The following NIM1K variants were observed in gnomAD, a reference collection of about 807,000 sequenced individuals.
The protein encoded by NIM1K is NIM1 serine/threonine protein kinase.
In NIM1K, 35 loss-of-function variants were observed where a neutral mutation model predicts 37.1. The ratio of observed to expected loss-of-function variants is 0.94; its 90% CI spans 0.72 to 1.25. The LOEUF is 1.25. Ranked by LOEUF, NIM1K falls within the 50% of genes most tolerant of loss-of-function variation. The pLI is 0.00. For synonymous variants in NIM1K, 234 were observed against 206.6 expected (o/e 1.13, Z -1.14); for missense variants, 564 against 548.0 (o/e 1.03, Z -0.29).
chr5:43,270,860 A>G (rs1479576856), intron 2 of NIM1K, among the ~76,000 whole-genome samples: 1 of 152,228 alleles, frequency 6.6e-6, no homozygotes, highest in Non-Finnish European at 1.5e-5. Flanking sequence ...GAATGTCACC[A>G]GCCTCCCAGT....
intron 1 of NIM1K, among the ~76,000 whole-genome samples, 172 bp downstream of exon 1, chr5:43,192,583 G>A (rs1331234066): frequency 1.3e-5 from 2 of 152,232 alleles, no homozygotes; most frequent in Non-Finnish European, 2.9e-5. Context: ...AGAAGGTTAG[G>A]CGCTTTCTGG....
At chr5:43,260,067 T>C (rs1376118509) in intron 2 of NIM1K, among the ~76,000 whole-genome samples, 1 of 152,192 alleles carries the variant, frequency 6.6e-6, no homozygotes, top group Non-Finnish European at 1.5e-5. Context: ...TTTGTATGCT[T>C]TGTTGAAGAT....
At chr5:43,230,284 T>C (rs1217499476) in intron 1 of NIM1K, among the ~76,000 whole-genome samples, 1 of 152,038 alleles carries the variant, frequency 6.6e-6, no homozygotes, top group African/African-American at 2.4e-5. Flanking sequence ...TCTCAGCACA[T>C]GGCTTCCATC....
At chr5:43,275,511 A>G (rs1056602036) in intron 2 of NIM1K, among the ~76,000 whole-genome samples, 2 of 152,230 alleles carry the variant, frequency 1.3e-5, no homozygotes, top group Non-Finnish European at 1.5e-5. Flanking sequence ...CATTGTACCA[A>G]TTAATGCTCC....
At chr5:43,247,184 C>A (rs1019869694) in intron 2 of NIM1K, among the ~76,000 whole-genome samples, 6 of 152,130 alleles carry the variant, frequency 3.9e-5, no homozygotes, top group African/African-American at 1.4e-4. Flanking sequence ...CCCAAGTCAC[C>A]GGAGTTTCAC....
intron 2 of NIM1K, among the ~76,000 whole-genome samples, chr5:43,270,798 A>T (rs1057105429): frequency 6.6e-6 from 1 of 152,166 alleles, no homozygotes; most frequent in Non-Finnish European, 1.5e-5. Context: ...AGACAGGGGA[A>T]CTTAGGGAGT....
intron 1 of NIM1K, among the ~76,000 whole-genome samples, chr5:43,200,580 G>A (rs570535776): frequency 9.2e-5 from 14 of 151,924 alleles, no homozygotes; most frequent in African/African-American, 2.9e-4. Context: ...GATTACAGGC[G>A]TGAGCCACTG....
intron 2 of NIM1K, among the ~76,000 whole-genome samples, chr5:43,251,782 A>G (rs1211401298): frequency 6.6e-6 from 1 of 152,208 alleles, no homozygotes; most frequent in Non-Finnish European, 1.5e-5. Flanking sequence ...CCAGTCCCAC[A>G]TCTACATAAA....
intron 2 of NIM1K, among the ~76,000 whole-genome samples, chr5:43,250,914 A>T (rs74658820): frequency 3.5e-4 from 54 of 152,344 alleles, no homozygotes; most frequent in African/African-American, 9.4e-4. Context: ...GGGACCAGAC[A>T]AATTTATCTG....
chr5:43,247,026 T>C (rs1201563404), intron 2 of NIM1K, among the ~76,000 whole-genome samples: 1 of 152,132 alleles, frequency 6.6e-6, no homozygotes, highest in Non-Finnish European at 1.5e-5. Context: ...GGCCCCTCTT[T>C]TCTTATATTA....
intron 2 of NIM1K, 70 bp downstream of exon 2, chr5:43,246,137 C>T (rs1221467240): frequency 7.9e-5 from 111 of 1,412,812 alleles, no homozygotes; most frequent in Non-Finnish European, 1.1e-4. Flanking sequence ...GGTTAGGTGG[C>T]CAGGGCCAAG....
intron 1 of NIM1K, among the ~76,000 whole-genome samples, chr5:43,233,558 C>G (rs1316196780): frequency 1.3e-5 from 2 of 152,206 alleles, no homozygotes; most frequent in East Asian, 1.9e-4. Context: ...ATAGCCATAG[C>G]CTTGCGGCCT....
intron 2 of NIM1K, among the ~76,000 whole-genome samples, chr5:43,270,310 G>A (rs111339898): frequency 0.011 from 1,662 of 152,228 alleles, 10 homozygotes; most frequent in Middle Eastern, 0.017. Context: ...AGCTTTTTTG[G>A]AGGGCTGCTC....
At chr5:43,220,655 TA>T (rs1752368054) in intron 1 of NIM1K, among the ~76,000 whole-genome samples, 1 of 152,224 alleles carries the variant, frequency 6.6e-6, no homozygotes, top group Non-Finnish European at 1.5e-5. Context: ...GCATACAATA[TA>T]AATTTTAACT....
intron 1 of NIM1K, among the ~76,000 whole-genome samples, chr5:43,201,439 A>T (rs1355342044): frequency 6.6e-6 from 1 of 151,726 alleles, no homozygotes; most frequent in East Asian, 1.9e-4. Context: ...TACACAGTTG[A>T]TATGCCAGGG....
chr5:43,228,461 G>T (rs891592657), intron 1 of NIM1K, among the ~76,000 whole-genome samples: 6 of 151,460 alleles, frequency 4.0e-5, no homozygotes. Context: ...CTGTTTTATT[G>T]TAAATAAACA....
chr5:43,264,644 G>A (rs749109791), intron 2 of NIM1K, among the ~76,000 whole-genome samples: 4 of 152,146 alleles, frequency 2.6e-5, no homozygotes, highest in Non-Finnish European at 4.4e-5. Flanking sequence ...TGTTTTGTGT[G>A]AATTTGATCC....
chr5:43,274,879 G>C lies in NIM1K; in HGVS notation c.293-2178G>C, dbSNP rs932568071. ...TAAAGTTTTTCAAAGCAGTTATTTT[G>C]TAAGTAGGTCAAACAGGTACTTTGG... is the stretch of plus-strand genomic sequence containing the variant. On this transcript the variant is annotated intron_variant, in intron 2 of 3. Transcript: ENST00000326035. Among the ~76,000 whole-genome samples, 9 of 152,156 alleles carry C rather than the reference G, an allele frequency of 5.9e-5. 1 individual carries two copies. The South Asian group carries it at 6.2e-4, about 11-fold the overall frequency.
rs1039732784 is a variant in NIM1K at position 43,232,956 on chromosome 5, C to T, written c.-694-12126C>T. 24 of 1,128,844 alleles carry T rather than the reference C, an allele frequency of 2.1e-5. No individual in the cohort carries two copies. In the African/African-American group the frequency reaches 2.6e-4, roughly 12 times the overall value. The allele number at this position is 1,128,844 out of a possible 1,614,324, so 69.9% of individuals were successfully genotyped here. On this transcript the variant is annotated intron_variant, in intron 1 of 3. Coordinates refer to ENST00000326035, the MANE Select transcript of NIM1K (RefSeq NM_153361.4). The stretch of plus-strand genomic sequence containing the variant: ...CAGTGCAAACTTCATCATCAATTAC[C>T]ATGGGTTTCAGGTCTAGAAACACTG...
Sources: gnomAD v4.1 joint callset for allele counts (sites outside exome capture counted in the v4.1 genomes callset) on GRCh38, gnomAD v4.1.1 for gene constraint, MANE v1.5 for transcripts, NCBI Gene and HGNC (gene_info 2026-07-23, HGNC 2026-07-21) for gene names.